ACSBG1: variants seen among roughly 807,000 people sequenced by gnomAD.
ACSBG1 encodes the protein acyl-CoA synthetase bubblegum family member 1.
A neutral mutation model predicts 80.2 loss-of-function variants in ACSBG1; 39 were observed. That is an observed-to-expected ratio of 0.49 (90% CI 0.38 to 0.64). The LOEUF (loss-of-function observed/expected upper bound fraction) is 0.64. ACSBG1 is among the 30% of genes least tolerant of loss of function. The pLI is 0.00. For missense variants in ACSBG1, 828 were observed against 966.4 expected (o/e 0.86, Z 1.90); for synonymous variants, 392 against 379.5 (o/e 1.03, Z -0.38).
At chr15:78,176,298 T>G (rs1036967236) in intron 11 of ACSBG1, among the ~76,000 whole-genome samples, 2 of 152,150 alleles carry the variant, frequency 1.3e-5, no homozygotes, top group Admixed American at 6.6e-5. Context: ...TATTCAACAC[T>G]GTCCTGGAGG....
At chr15:78,205,970 G>A (rs985877735) in intron 2 of ACSBG1, among the ~76,000 whole-genome samples, 18 of 152,224 alleles carry the variant, frequency 1.2e-4, no homozygotes, top group African/African-American at 3.6e-4. Flanking sequence ...CGGTGGACAC[G>A]CCATCCATGA....
At chr15:78,204,546 C>T (rs1196634202) in intron 2 of ACSBG1, among the ~76,000 whole-genome samples, 17 of 152,216 alleles carry the variant, frequency 1.1e-4, no homozygotes, top group Admixed American at 1.0e-3. Flanking sequence ...GGTGCCTTGA[C>T]CCCTGCGGAA....
chr15:78,224,348 T>C (rs1300387148), intron 1 of ACSBG1, among the ~76,000 whole-genome samples: 2 of 152,214 alleles, frequency 1.3e-5, no homozygotes, highest in East Asian at 1.9e-4. Context: ...ATTGATTTAA[T>C]GCACTACATT....
At chr15:78,175,245 G>A (rs1192118837) in intron 11 of ACSBG1, among the ~76,000 whole-genome samples, 2 of 152,228 alleles carry the variant, frequency 1.3e-5, no homozygotes, top group Non-Finnish European at 1.5e-5. Context: ...TAGGCTAGAT[G>A]GCAATAAATT....
At chr15:78,176,156 C>T (rs924843703) in intron 11 of ACSBG1, among the ~76,000 whole-genome samples, 3 of 152,112 alleles carry the variant, frequency 2.0e-5, no homozygotes, top group African/African-American at 7.2e-5. Context: ...AATCCTCCTG[C>T]CTCAGCCTCC....
intron 2 of ACSBG1, among the ~76,000 whole-genome samples, chr15:78,202,130 T>C (rs2075174279): frequency 6.6e-6 from 1 of 152,174 alleles, no homozygotes; most frequent in Non-Finnish European, 1.5e-5. Context: ...GGTTGTCACC[T>C]GAGCAGGGAG....
intron 1 of ACSBG1, among the ~76,000 whole-genome samples, chr15:78,221,166 G>A (rs2141383566): frequency 6.6e-6 from 1 of 152,282 alleles, no homozygotes; most frequent in South Asian, 2.1e-4. Context: ...AGTGGGCCCA[G>A]GGGACCGGTA....
intron 2 of ACSBG1, among the ~76,000 whole-genome samples, chr15:78,201,582 C>T (rs551580105): frequency 2.6e-5 from 4 of 152,362 alleles, no homozygotes; most frequent in Admixed American, 6.5e-5. Flanking sequence ...CACTCCTGCC[C>T]TTCAGAGCTG....
At chr15:78,215,600 G>A (rs777597762) in intron 1 of ACSBG1, among the ~76,000 whole-genome samples, 30 of 151,934 alleles carry the variant, frequency 2.0e-4, no homozygotes, top group Non-Finnish European at 3.2e-4. Context: ...AGGTTCCAGT[G>A]AGCCGAGATT....
At chr15:78,188,385 G>A (rs2075025606) in intron 5 of ACSBG1, among the ~76,000 whole-genome samples, 1 of 151,778 alleles carries the variant, frequency 6.6e-6, no homozygotes, top group African/African-American at 2.4e-5. Flanking sequence ...TAAGCCAAAA[G>A]AACAAAGCTG....
chr15:78,180,841 C>T lies in ACSBG1; in HGVS notation c.1167G>A (p.Val389=). 6.2e-7 allele frequency: 1 copy of T among 1,614,236 alleles called. No homozygotes were observed. The highest frequency in any genetic ancestry group is 1.6e-4 in the Middle Eastern group (1 of 6,062). Residue 389 remains valine, a synonymous_variant, in exon 9 of 14, where the codon GTG becomes GTA. Transcript: ENST00000258873. ...WEKIMERIQE[V]AAQSGFIRRK... is the part of the protein sequence containing the mutation. ...GCCGGATGAAGCCAGACTGAGCCGC[C>T]ACCTCCTGGATGCGCTCCATGATCT...
At chr15:78,199,763 C>G (rs59398201) in intron 2 of ACSBG1, among the ~76,000 whole-genome samples, 7,346 of 151,464 alleles carry the variant, frequency 0.049, 204 homozygotes, top group South Asian at 0.17. Flanking sequence ...TCCCAAAGTG[C>G]TGGGATTACA....
intron 2 of ACSBG1, among the ~76,000 whole-genome samples, chr15:78,205,212 G>A (rs2075202343): frequency 6.6e-6 from 1 of 152,106 alleles, no homozygotes; most frequent in African/African-American, 2.4e-5. Flanking sequence ...GTGAAGGTCA[G>A]ATTCCAGTGT....
chr15:78,212,407 T>A, intron 1 of ACSBG1: 1 of 370,462 alleles, frequency 2.7e-6, no homozygotes, highest in South Asian at 2.0e-5. Flanking sequence ...AAAGGATAAC[T>A]TGGCAAGATT....
chr15:78,201,133 G>A (rs2075163598), intron 2 of ACSBG1, among the ~76,000 whole-genome samples: 1 of 152,190 alleles, frequency 6.6e-6, no homozygotes, highest in Non-Finnish European at 1.5e-5. Flanking sequence ...ATGGGGTCAT[G>A]GTCGGGGCTG....
chr15:78,208,939 C>T (rs2075243120), intron 1 of ACSBG1, among the ~76,000 whole-genome samples: 1 of 152,256 alleles, frequency 6.6e-6, no homozygotes, highest in African/African-American at 2.4e-5. Flanking sequence ...CACTTTAGGA[C>T]TGCAACAGGA....
intron 2 of ACSBG1, among the ~76,000 whole-genome samples, chr15:78,207,452 A>G (rs556501880): frequency 4.3e-4 from 65 of 152,262 alleles, no homozygotes; most frequent in Non-Finnish European, 7.6e-4. Context: ...AAGATGTATT[A>G]TTATTATTAT....
In ACSBG1 at chr15:78,171,413, A is replaced by G. The variant is rs372364654; in HGVS notation, c.*31T>C. The G allele has an allele frequency of 1.3e-5, 21 of 1,587,896 alleles. No individual in the cohort carries two copies. Among genetic ancestry groups the G allele is most frequent in the African/African-American group, 1.2e-4 (9 of 74,518 alleles). On this transcript the variant is annotated 3_prime_UTR_variant, in exon 14 of 14. Coordinates refer to ENST00000258873, the MANE Select transcript of ACSBG1 (RefSeq NM_015162.5). ...AAGAGGCTCGGAACGCCTGCCCTCT[A>G]TTCTATAGAAACTGCAGGCATAGGC...
chr15:78,207,632 A>C (rs1355825188), intron 2 of ACSBG1: 1 of 244,070 alleles, frequency 4.1e-6, no homozygotes, highest in East Asian at 8.4e-5. Context: ...AACCAGGCCA[A>C]AAATCCCAAG....
Sources: gnomAD v4.1 joint callset for allele counts (sites outside exome capture counted in the v4.1 genomes callset) on GRCh38, gnomAD v4.1.1 for gene constraint, MANE v1.5 for transcripts, NCBI Gene and HGNC (gene_info 2026-07-23, HGNC 2026-07-21) for gene names.